Variants in POGZ observed in about 807,000 individuals in gnomAD.
POGZ encodes the protein pogo transposable element with ZNF domain.
A neutral mutation model predicts 134.6 loss-of-function variants in POGZ; 17 were observed. That is an observed-to-expected ratio of 0.13 (90% confidence interval 0.09 to 0.19). The LOEUF (loss-of-function observed/expected upper bound fraction) is 0.19. POGZ is among the 10% of genes least tolerant of loss of function. POGZ has a pLI of 1.00. For missense variants in POGZ, 1,306 were observed against 1,769.7 expected (o/e 0.74, Z 4.70); for synonymous variants, 693 against 657.1 (o/e 1.05, Z -0.84).
Position 151,430,761 on chromosome 1 carries a change from T to A in POGZ, c.364A>T (p.Thr122Ser). 3.1e-6 allele frequency: 5 copies of A among 1,604,494 alleles called. No homozygotes were observed. Among genetic ancestry groups the A allele is most frequent in the Non-Finnish European group, 4.3e-6 (5 of 1,175,852 alleles). The change falls in exon 4 of 19, where the codon ACT (threonine) becomes TCT (serine). Residue 122 changes from threonine (T) to serine (S), a missense_variant. Thr to Ser is a moderately conservative substitution (Grantham distance 58, BLOSUM62 1). Coordinates refer to ENST00000271715, the MANE Select transcript of POGZ (RefSeq NM_015100.4). ...NPAPGLGTMV[T>S]QPVLRPVQVM... Reference sequence around the variant, plus strand: ...TGAACAGGCCTCAATACTGGTTGAGTAACCATTGTGCCCAGACCTGGGGCT... The same window carrying A: ...TGAACAGGCCTCAATACTGGTTGAGAAACCATTGTGCCCAGACCTGGGGCT...
At chr1:151,407,865 A>C (rs1418387586) in intron 15 of POGZ, among the ~76,000 whole-genome samples, 1 of 152,016 alleles carries the variant, frequency 6.6e-6, no homozygotes, top group African/African-American at 2.4e-5. Flanking sequence ...CAAAAAAATC[A>C]GCCAGGCATG....
chr1:151,457,159 G>A (rs530713236), intron 1 of POGZ, among the ~76,000 whole-genome samples: 3 of 152,276 alleles, frequency 2.0e-5, no homozygotes, highest in African/African-American at 4.8e-5. Flanking sequence ...AGTTCAAGAT[G>A]GGAGTGGAAA....
At chr1:151,407,177 C>G in intron 16 of POGZ, 58 bp downstream of exon 16, 1 of 1,377,408 alleles carries the variant, frequency 7.3e-7, no homozygotes, top group Non-Finnish European at 1.0e-6. Flanking sequence ...AATGAAAAAC[C>G]TGAAAATTAA....
chr1:151,440,414 C>T (rs1339244477), intron 3 of POGZ, among the ~76,000 whole-genome samples: 6 of 151,854 alleles, frequency 4.0e-5, no homozygotes, highest in Admixed American at 3.9e-4. Flanking sequence ...GAAACCAATA[C>T]TATATAGCCT....
intron 1 of POGZ, among the ~76,000 whole-genome samples, chr1:151,458,718 C>CCGCCCG (rs904280523): frequency 1.2e-4 from 17 of 145,624 alleles, no homozygotes; most frequent in South Asian, 2.1e-4. Flanking sequence ...CAGCGGGCCA[C>CCGCCCG]CGCCCGCGCC....
At chr1:151,458,764 G>A (rs868171585) in intron 1 of POGZ, among the ~76,000 whole-genome samples, 3 of 145,618 alleles carry the variant, frequency 2.1e-5, no homozygotes, top group African/African-American at 7.4e-5. Context: ...CTCGCGCCGA[G>A]CGTGCGTGTG....
At chr1:151,446,478 G>A (rs377313670) in intron 1 of POGZ, among the ~76,000 whole-genome samples, 1 of 152,048 alleles carries the variant, frequency 6.6e-6, no homozygotes, top group Non-Finnish European at 1.5e-5. Context: ...GAAAACGGCC[G>A]GGCGCGGTTG....
chr1:151,404,670 G>C lies in POGZ; in HGVS notation c.*132C>G, dbSNP rs900999005. 11 of 1,412,564 alleles carry C rather than the reference G, an allele frequency of 7.8e-6. No homozygotes were observed. The highest frequency in any genetic ancestry group is 3.1e-5 in the Admixed American group (1 of 32,674). The allele number at this position is 1,412,564 out of a possible 1,614,324, so 87.5% of individuals were successfully genotyped here. A position where few individuals can be genotyped will look rare whatever the true frequency, so the allele number is the denominator to read the frequency against. Reference sequence around the variant, plus strand: ...ACAGGGAAGTGTAAGTCAACTTCAGGGGGGAGTGGTGGTATAAAATTAAAA... The same window carrying C: ...ACAGGGAAGTGTAAGTCAACTTCAGCGGGGAGTGGTGGTATAAAATTAAAA... On this transcript the variant is annotated 3_prime_UTR_variant, in exon 19 of 19. Coordinates refer to ENST00000271715, the MANE Select transcript of POGZ (RefSeq NM_015100.4).
At chr1:151,446,981 T>G (rs1406894124) in intron 1 of POGZ, among the ~76,000 whole-genome samples, 1 of 152,100 alleles carries the variant, frequency 6.6e-6, no homozygotes, top group Non-Finnish European at 1.5e-5. Context: ...ATTCCTTCAT[T>G]TATGCCCCCA....
chr1:151,446,755 CAAAAAAAAAA>C (rs11309351), intron 1 of POGZ, among the ~76,000 whole-genome samples: 1 of 70,732 alleles, frequency 1.4e-5, no homozygotes, highest in Non-Finnish European at 2.4e-5. Flanking sequence ...GACTCCATCT[CAAAAAAAAAA>C]AAAAAAAAAA....
At chr1:151,422,328 T>C (rs1557898159) in intron 10 of POGZ, among the ~76,000 whole-genome samples, 1 of 152,230 alleles carries the variant, frequency 6.6e-6, no homozygotes. Flanking sequence ...CATTTTCCTA[T>C]ATTTACATAA....
At chr1:151,424,361 T>C (rs1571432632) in intron 8 of POGZ, 75 bp from the exon 9 acceptor site, 7 of 905,702 alleles carry the variant, frequency 7.7e-6, no homozygotes, top group East Asian at 5.0e-5. Flanking sequence ...TTCACTACCA[T>C]TCCTTGTTAA....
rs1053513368 is a variant in POGZ, at chr1:151,455,902, T to C, written c.-2+3250A>G. Among the ~76,000 whole-genome samples, 1,452 of 147,624 alleles carry C rather than the reference T, an allele frequency of 9.8e-3. 26 individuals are homozygous for C. Among genetic ancestry groups the C allele is most frequent in the African/African-American group, 0.034 (1,393 of 40,790 alleles). On this transcript the variant is annotated intron_variant, in intron 1 of 18. Coordinates refer to ENST00000271715, the MANE Select transcript of POGZ (RefSeq NM_015100.4). ...CAAACGGTAGTTTCTTTCTTTTTTT[T>C]TTTTTTTTTTTTTTTTAATAAATAG... is the stretch of plus-strand genomic sequence containing the variant.
In POGZ at chr1:151,406,281, T is replaced by C. The variant is rs760568124; in HGVS notation, c.2754A>G (p.Pro918=). 1 of 1,611,800 alleles carries C rather than the reference T, an allele frequency of 6.2e-7. No homozygotes were observed. The highest frequency in any genetic ancestry group is 1.1e-5 in the South Asian group (1 of 90,816). ...LPSPASTATP[P]PTPTHPQALA... ...AAGCCTGCGGGTGAGTGGGGGTTGG[T>C]GGTGGGGTTGCAGTTGAGGCTGGTG... is the stretch of plus-strand genomic sequence containing the variant. The change falls in exon 19 of 19, where the codon CCA becomes CCG. Residue 918 remains proline (P), a synonymous_variant. Transcript: ENST00000271715.
chr1:151,427,785 G>T (rs1380263632), intron 7 of POGZ, 38 bp downstream of exon 7: 1 of 1,324,640 alleles, frequency 7.5e-7, no homozygotes, highest in South Asian at 1.2e-5. Flanking sequence ...TAATGTTTTT[G>T]AATGACTGGC....
chr1:151,416,228 A>AAG (rs1467137056), intron 10 of POGZ, among the ~76,000 whole-genome samples: 5 of 148,778 alleles, frequency 3.4e-5, no homozygotes, highest in Non-Finnish European at 7.5e-5. Flanking sequence ...AAAAAAAAAA[A>AAG]AAAAAAAGAA....
Position 151,404,707 on chromosome 1 carries a change from A to C in POGZ, c.*95T>G. On this transcript the variant is annotated 3_prime_UTR_variant, in exon 19 of 19. Transcript: ENST00000271715. ...GTATAAAATTAAAAAATAGAAACCA[A>C]ATACCCCACCTGGTATGCCCCCTTT... 1 of 1,461,164 alleles carries C rather than the reference A, an allele frequency of 6.8e-7. No individual in the cohort carries two copies. Among genetic ancestry groups the C allele is most frequent in the Non-Finnish European group, 9.0e-7 (1 of 1,108,490 alleles). 90.5% of individuals were successfully genotyped at this position (1,461,164 alleles called of 1,614,324 possible).
intron 10 of POGZ, among the ~76,000 whole-genome samples, chr1:151,413,039 G>A (rs375811258): frequency 6.6e-6 from 1 of 151,390 alleles, no homozygotes; most frequent in Non-Finnish European, 1.5e-5. Context: ...CCTGACCTCA[G>A]GTGATCTACC....
chr1:151,437,101 C>T (rs902443199), intron 3 of POGZ, among the ~76,000 whole-genome samples: 3 of 151,432 alleles, frequency 2.0e-5, no homozygotes, highest in Non-Finnish European at 4.4e-5. Flanking sequence ...GACTGAGGTA[C>T]GAGAATCATT....
Sources: allele counts gnomAD v4.1 joint callset (sites outside exome capture counted in the v4.1 genomes callset), GRCh38; gene constraint gnomAD v4.1.1; transcripts MANE v1.5; gene names NCBI Gene and HGNC (gene_info 2026-07-23, HGNC 2026-07-21).